PPFIBP2: variants seen among roughly 807,000 people sequenced by gnomAD.
The protein encoded by PPFIBP2 is PPFIB scaffold protein 2, also known as liprin-beta-2.
Under a neutral mutation model 118.3 loss-of-function variants are expected in PPFIBP2, and 118 were observed. That is an observed-to-expected ratio of 1.00 (90% CI 0.86 to 1.16). The LOEUF is 1.16. PPFIBP2 is among the 50% of genes most tolerant of loss of function. The probability of loss-of-function intolerance (pLI) is 0.00; values close to 1 mark genes in which losing one functional copy is unlikely to be tolerated. For synonymous variants in PPFIBP2, 414 were observed against 397.4 expected (o/e 1.04, Z -0.50); for missense variants, 1,195 against 1,073.1 (o/e 1.11, Z -1.59).
At chr11:7,649,277 C>CTGAGTGCTCACAGGG in intron 20 of PPFIBP2, 42 bp downstream of exon 20, 2 of 1,529,512 alleles carry the variant, frequency 1.3e-6, no homozygotes, top group Non-Finnish European at 9.1e-7. Context: ...TCCCTGTGAG[C>CTGAGTGCTCACAGGG]ACTCAGCTCA....
intron 1 of PPFIBP2, among the ~76,000 whole-genome samples, chr11:7,524,915 T>G (rs545056561): frequency 6.6e-6 from 1 of 152,336 alleles, no homozygotes; most frequent in South Asian, 2.1e-4. Flanking sequence ...ACATAAGCTC[T>G]TCCTGCGACC....
At chr11:7,631,517 C>T (rs540614429) in intron 11 of PPFIBP2, among the ~76,000 whole-genome samples, 10 of 152,198 alleles carry the variant, frequency 6.6e-5, no homozygotes, top group African/African-American at 2.4e-4. Flanking sequence ...ATAGCCAGGA[C>T]ACAGATTTTC....
rs560529759 is a variant in PPFIBP2, at chr11:7,625,773, C to T, written c.712-4C>T. ...CTGGTAGGGATCCTCTGTTGCTCTT[C>T]CAGGCTGAAGTCGCCCAGCTGCAAG... On this transcript the variant is annotated splice_region_variant and splice_polypyrimidine_tract_variant and intron_variant, in intron 7 of 23. Coordinates refer to ENST00000299492, the MANE Select transcript of PPFIBP2 (RefSeq NM_003621.5). 1.9e-5 allele frequency: 30 copies of T among 1,613,750 alleles called. No individual in the cohort carries two copies. In the South Asian group the frequency reaches 3.3e-4, roughly 18 times the overall value.
At chr11:7,581,373 TG>T (rs1430614653) in intron 3 of PPFIBP2, among the ~76,000 whole-genome samples, 2 of 152,250 alleles carry the variant, frequency 1.3e-5, no homozygotes, top group Non-Finnish European at 2.9e-5. Context: ...CACTGCTTCC[TG>T]GCTTCCAGCA....
At chr11:7,645,201 G>A (rs1852880258) in intron 17 of PPFIBP2, among the ~76,000 whole-genome samples, 1 of 152,062 alleles carries the variant, frequency 6.6e-6, no homozygotes, top group Non-Finnish European at 1.5e-5. Context: ...GTTGACCTGG[G>A]GATCCATGTA....
At chr11:7,621,665 CT>C (rs1849375505) in intron 7 of PPFIBP2, among the ~76,000 whole-genome samples, 1 of 152,062 alleles carries the variant, frequency 6.6e-6, no homozygotes, top group African/African-American at 2.4e-5. Context: ...TTTTTTTGGC[CT>C]GCACATTGGA....
chr11:7,594,062 C>G (rs1477119550), intron 4 of PPFIBP2, among the ~76,000 whole-genome samples: 1 of 152,126 alleles, frequency 6.6e-6, no homozygotes, highest in African/African-American at 2.4e-5. Flanking sequence ...AGGGGTTGAG[C>G]GGGGCCTGGA....
At chr11:7,558,189 A>G (rs1284116091) in intron 2 of PPFIBP2, among the ~76,000 whole-genome samples, 2 of 152,228 alleles carry the variant, frequency 1.3e-5, no homozygotes, top group African/African-American at 2.4e-5. Context: ...GGTCCTTGTC[A>G]TCTTCACTTG....
chr11:7,524,967 T>C (rs917643239), intron 1 of PPFIBP2, among the ~76,000 whole-genome samples: 1 of 152,220 alleles, frequency 6.6e-6, no homozygotes, highest in African/African-American at 2.4e-5. Context: ...TGTGCTCACC[T>C]GGTAACAACA....
At chr11:7,563,582 C>T (rs1854593026) in intron 2 of PPFIBP2, among the ~76,000 whole-genome samples, 1 of 152,168 alleles carries the variant, frequency 6.6e-6, no homozygotes, top group Admixed American at 6.5e-5. Flanking sequence ...AGTAAAGGGA[C>T]CTGGAATTGG....
At chr11:7,617,318 CAG>C in intron 6 of PPFIBP2, 1 of 984,830 alleles carries the variant, frequency 1.0e-6, no homozygotes, top group Non-Finnish European at 1.2e-6. Flanking sequence ...TTAAGTATAT[CAG>C]AGCATGCGTG....
chr11:7,617,222 G>C (rs1325429204), intron 6 of PPFIBP2: 4 of 985,480 alleles, frequency 4.1e-6, no homozygotes, highest in Non-Finnish European at 4.8e-6. Context: ...ACCCTGAGGA[G>C]GTGGCGGCCA....
chr11:7,653,519 G>T lies in PPFIBP2; in HGVS notation c.*301G>T. 2 of 1,355,106 alleles carry T rather than the reference G, an allele frequency of 1.5e-6. No homozygotes were observed. The highest frequency in any genetic ancestry group is 2.5e-5 in the South Asian group (2 of 81,564). 83.9% of individuals were successfully genotyped at this position (1,355,106 alleles called of 1,614,324 possible). A position where few individuals can be genotyped will look rare whatever the true frequency, so the allele number is the denominator to read the frequency against. ...ATCTTCAGCACCAGTGGAAACACAT[G>T]AACTTCGATGCAGGTCCAGAGACCA... On this transcript the variant is annotated 3_prime_UTR_variant, in exon 24 of 24. Transcript: ENST00000299492.
intron 23 of PPFIBP2, among the ~76,000 whole-genome samples, chr11:7,652,089 A>G (rs1302074892): frequency 6.6e-6 from 1 of 152,246 alleles, no homozygotes; most frequent in Non-Finnish European, 1.5e-5. Context: ...GGAAGCACCT[A>G]TCCTCAGGTG....
intron 4 of PPFIBP2, chr11:7,597,220 C>T: frequency 1.3e-6 from 2 of 1,510,744 alleles, no homozygotes; most frequent in Non-Finnish European, 1.8e-6. Context: ...CTGAGATGTG[C>T]CTTGAGGTCG....
intron 7 of PPFIBP2, among the ~76,000 whole-genome samples, chr11:7,625,152 A>G (rs1849821901): frequency 6.6e-6 from 1 of 152,162 alleles, no homozygotes; most frequent in South Asian, 2.1e-4. Flanking sequence ...AAAAGTATGT[A>G]AATGAAGCAC....
intron 3 of PPFIBP2, among the ~76,000 whole-genome samples, chr11:7,567,167 C>A (rs1022469816): frequency 2.9e-4 from 44 of 152,290 alleles, no homozygotes; most frequent in African/African-American, 9.9e-4. Flanking sequence ...CCTTTCCCAA[C>A]CTCAGAACAG....
At chr11:7,637,773 G>C (rs113126894) in intron 14 of PPFIBP2, among the ~76,000 whole-genome samples, 3 of 152,210 alleles carry the variant, frequency 2.0e-5, no homozygotes, top group African/African-American at 7.2e-5. Flanking sequence ...TTCTTGGCCT[G>C]AGCAGAGCTC....
At chr11:7,665,573 G>C in the PPFIBP2 span, 1 of 1,574,796 alleles carries the variant, frequency 6.4e-7, no homozygotes, top group Non-Finnish European at 8.6e-7. Flanking sequence ...GCAGGAGCAA[G>C]CTGAGCGATG....
Sources: gnomAD v4.1 joint callset for allele counts (sites outside exome capture counted in the v4.1 genomes callset) on GRCh38, gnomAD v4.1.1 for gene constraint, MANE v1.5 for transcripts, NCBI Gene and HGNC (gene_info 2026-07-23, HGNC 2026-07-21) for gene names.